Variants in BMERB1 observed in about 807,000 individuals in gnomAD.
BMERB1 encodes the protein bMERB domain containing 1.
BMERB1 carries 12 observed loss-of-function variants against 23.6 expected under a neutral mutation model. The observed-to-expected ratio is 0.51, with a 90% CI of 0.33 to 0.82. The LOEUF (loss-of-function observed/expected upper bound fraction) is 0.82. Ranked by LOEUF, BMERB1 falls within the 40% of genes least tolerant of loss-of-function variation. The pLI is 0.03. For missense variants in BMERB1, 247 were observed against 255.4 expected (o/e 0.97, Z 0.22); for synonymous variants, 122 against 96.6 (o/e 1.26, Z -1.54).
At chr16:15,520,527 G>C (rs2051838693) in intron 2 of BMERB1, among the ~76,000 whole-genome samples, 1 of 145,440 alleles carries the variant, frequency 6.9e-6, no homozygotes. Context: ...TGCCACCCAG[G>C]CTGGAGTGCA....
At chr16:15,456,573 A>G (rs773507003) in intron 1 of BMERB1, among the ~76,000 whole-genome samples, 2 of 152,052 alleles carry the variant, frequency 1.3e-5, no homozygotes, top group Non-Finnish European at 2.9e-5. Flanking sequence ...ACTGGCCTCA[A>G]GTGATCTGCC....
intron 1 of BMERB1, among the ~76,000 whole-genome samples, chr16:15,506,809 CTCCT>C (rs2051597118): frequency 6.6e-6 from 1 of 152,168 alleles, no homozygotes; most frequent in Non-Finnish European, 1.5e-5. Flanking sequence ...CTCTTTCCAT[CTCCT>C]CAGCTGCAGC....
At chr16:15,570,087 T>G (rs2030684731) in intron 3 of BMERB1, among the ~76,000 whole-genome samples, 1 of 152,182 alleles carries the variant, frequency 6.6e-6, no homozygotes. Context: ...TTTCTCACTG[T>G]TATCATTTTT....
At chr16:15,532,223 GTTTTTTTGT>G (rs1468566793) in intron 2 of BMERB1, among the ~76,000 whole-genome samples, 1 of 150,138 alleles carries the variant, frequency 6.7e-6, no homozygotes, top group Non-Finnish European at 1.5e-5. Context: ...TCCCTGTTTT[GTTTTTTTGT>G]TTTTTTTGTT....
At chr16:15,518,277 T>C (rs62039130) in intron 2 of BMERB1, among the ~76,000 whole-genome samples, 39,247 of 152,038 alleles carry the variant, frequency 0.26, 6,149 homozygotes, top group East Asian at 0.51. Context: ...GACCTGAGTG[T>C]TGTTAGGACA....
At chr16:15,497,488 C>A (rs1332281487) in intron 1 of BMERB1, among the ~76,000 whole-genome samples, 1 of 152,124 alleles carries the variant, frequency 6.6e-6, no homozygotes, top group Non-Finnish European at 1.5e-5. Flanking sequence ...AGGTCAATTT[C>A]TATGTTTATC....
At chr16:15,522,232 C>T (rs1598493402) in intron 2 of BMERB1, among the ~76,000 whole-genome samples, 2 of 152,300 alleles carry the variant, frequency 1.3e-5, no homozygotes, top group Admixed American at 1.3e-4. Flanking sequence ...AGAGACAGAA[C>T]TGCAGCAGGC....
intron 1 of BMERB1, among the ~76,000 whole-genome samples, chr16:15,486,606 TG>T (rs1386262953): frequency 1.3e-5 from 2 of 152,184 alleles, no homozygotes; most frequent in East Asian, 3.8e-4. Context: ...TGAGTTCCAT[TG>T]TATCAACATG....
At chr16:15,528,079 A>G (rs2051927201) in intron 2 of BMERB1, among the ~76,000 whole-genome samples, 1 of 152,122 alleles carries the variant, frequency 6.6e-6, no homozygotes, top group Non-Finnish European at 1.5e-5. Flanking sequence ...AGATTTAAAC[A>G]CTGTCTTAGT....
At chr16:15,506,966 A>C (rs2051598750) in intron 1 of BMERB1, among the ~76,000 whole-genome samples, 1 of 152,162 alleles carries the variant, frequency 6.6e-6, no homozygotes, top group African/African-American at 2.4e-5. Flanking sequence ...TGACCTCTCT[A>C]AGCCTCATTT....
At chr16:15,532,321 T>C (rs1349878858) in intron 2 of BMERB1, among the ~76,000 whole-genome samples, 2 of 151,942 alleles carry the variant, frequency 1.3e-5, no homozygotes, top group Non-Finnish European at 1.5e-5. Context: ...AACCTCTGCC[T>C]CCTGGGTTCA....
At position 15,500,497 on chromosome 16, in the gene BMERB1, A is replaced by C. The variant is rs1179345323; in HGVS notation, c.107-14808A>C. 1.2e-4 allele frequency among the ~76,000 whole-genome samples: 19 copies of C among 152,170 alleles called. 1 individual carries two copies. The highest frequency in any genetic ancestry group is 2.8e-4 in the Non-Finnish European group (19 of 68,032). On this transcript the variant is annotated intron_variant, in intron 1 of 5. Transcript: ENST00000300006. The stretch of plus-strand genomic sequence containing the variant: ...AAGAGGGAAGCAGAAGAGTCCTGAA[A>C]TGGAGAAACACCTCAGGGAGACAGA...
intron 2 of BMERB1, among the ~76,000 whole-genome samples, chr16:15,537,642 C>T (rs1419241710): frequency 6.6e-6 from 1 of 151,214 alleles, no homozygotes; most frequent in Non-Finnish European, 1.5e-5. Context: ...GCATGAGCCA[C>T]CATGCCCGGC....
intron 1 of BMERB1, among the ~76,000 whole-genome samples, chr16:15,476,737 C>A (rs970649898): frequency 5.3e-5 from 8 of 152,172 alleles, no homozygotes; most frequent in Non-Finnish European, 1.2e-4. Flanking sequence ...GACGGGAGAC[C>A]CATCACCAGA....
intron 1 of BMERB1, among the ~76,000 whole-genome samples, chr16:15,436,257 CTTTTT>C (rs35697186): frequency 1.7e-5 from 2 of 114,622 alleles, no homozygotes; most frequent in Admixed American, 9.6e-5. Context: ...TTTAGTTTAG[CTTTTT>C]TTTTTTTTTT....
intron 2 of BMERB1, among the ~76,000 whole-genome samples, chr16:15,544,447 C>T (rs2052113523): frequency 6.6e-6 from 1 of 152,160 alleles, no homozygotes; most frequent in Non-Finnish European, 1.5e-5. Flanking sequence ...ATGGTGGGCC[C>T]CGCAGGGAAG....
chr16:15,576,775 T>TA (rs2030871637), intron 3 of BMERB1, among the ~76,000 whole-genome samples: 1 of 151,922 alleles, frequency 6.6e-6, no homozygotes, highest in Non-Finnish European at 1.5e-5. Context: ...TTGACTGGGG[T>TA]AAATACCCAA....
intron 1 of BMERB1, among the ~76,000 whole-genome samples, chr16:15,491,879 T>A (rs2051424156): frequency 6.6e-6 from 1 of 152,188 alleles, no homozygotes; most frequent in South Asian, 2.1e-4. Flanking sequence ...GGCATTTTAC[T>A]CTCTTCCTAG....
intron 5 of BMERB1, 145 bp from the exon 6 acceptor site, chr16:15,586,572 T>A (rs1265607115): frequency 1.4e-6 from 1 of 692,282 alleles, no homozygotes; most frequent in Non-Finnish European, 2.6e-6. Flanking sequence ...GCATCAGCTC[T>A]CCATACCACC....
Sources: gnomAD v4.1 joint callset for allele counts (sites outside exome capture counted in the v4.1 genomes callset) on GRCh38, gnomAD v4.1.1 for gene constraint, MANE v1.5 for transcripts, NCBI Gene and HGNC (gene_info 2026-07-23, HGNC 2026-07-21) for gene names.